The following ARHGAP24 variants were observed in gnomAD, a reference collection of about 807,000 sequenced individuals.
The protein encoded by ARHGAP24 is rho GTPase-activating protein 24.
ARHGAP24 carries 50 observed loss-of-function variants against 76.4 expected under a neutral mutation model. The ratio of observed to expected loss-of-function variants is 0.65; its 90% confidence interval spans 0.52 to 0.83. ARHGAP24 has a LOEUF of 0.83. ARHGAP24 is among the 40% of genes least tolerant of loss of function. The pLI, the probability that ARHGAP24 is intolerant of heterozygous loss-of-function variation, is 0.00. For missense variants in ARHGAP24, 930 were observed against 914.2 expected, an observed-to-expected ratio of 1.02 and a Z score of -0.22; for synonymous variants, 345 against 323.3, an observed-to-expected ratio of 1.07 and a Z score of -0.72.
At chr4:85,793,676 G>C (rs1030797004) in intron 3 of ARHGAP24, among the ~76,000 whole-genome samples, 20 of 152,104 alleles carry the variant, frequency 1.3e-4, no homozygotes, top group Non-Finnish European at 2.6e-4. Context: ...TGAGATTAGA[G>C]TATTTCCTGT....
intron 2 of ARHGAP24, among the ~76,000 whole-genome samples, chr4:85,705,287 G>A (rs1033351686): frequency 6.6e-6 from 1 of 151,976 alleles, no homozygotes; most frequent in Non-Finnish European, 1.5e-5. Flanking sequence ...TTACACATAT[G>A]ACAGATACTA....
intron 3 of ARHGAP24, among the ~76,000 whole-genome samples, chr4:85,913,036 A>C (rs1735173751): frequency 6.6e-6 from 1 of 152,116 alleles, no homozygotes; most frequent in Admixed American, 6.5e-5. Flanking sequence ...CTCCTACATT[A>C]TCAATTTTTC....
At chr4:85,662,635 G>T (rs954532974) in intron 2 of ARHGAP24, among the ~76,000 whole-genome samples, 66 of 151,884 alleles carry the variant, frequency 4.3e-4, no homozygotes, top group African/African-American at 1.6e-3. Context: ...TTCTTCTAGG[G>T]TTTTTATGGT....
intron 3 of ARHGAP24, among the ~76,000 whole-genome samples, chr4:85,726,193 C>T (rs150741938): frequency 1.6e-4 from 25 of 151,720 alleles, no homozygotes; most frequent in African/African-American, 5.6e-4. Context: ...CAATTTCCAT[C>T]GGTCTTTTCA....
chr4:85,801,725 G>A (rs547988997), intron 3 of ARHGAP24, among the ~76,000 whole-genome samples: 1 of 152,216 alleles, frequency 6.6e-6, no homozygotes, highest in African/African-American at 2.4e-5. Context: ...AACAAAACAC[G>A]GCTTGTGATC....
At chr4:85,831,540 G>T (rs1729993419) in intron 3 of ARHGAP24, among the ~76,000 whole-genome samples, 1 of 152,024 alleles carries the variant, frequency 6.6e-6, no homozygotes, top group Admixed American at 6.5e-5. Context: ...TTATACAATG[G>T]GCTTTCATTT....
chr4:85,978,598 G>A (rs1739468847), intron 8 of ARHGAP24, among the ~76,000 whole-genome samples: 1 of 152,100 alleles, frequency 6.6e-6, no homozygotes, highest in Admixed American at 6.6e-5. Context: ...GCAGACATTA[G>A]AAAACATGAA....
At chr4:85,601,219 C>A (rs1351556217) in intron 2 of ARHGAP24, among the ~76,000 whole-genome samples, 2 of 152,080 alleles carry the variant, frequency 1.3e-5, no homozygotes, top group Non-Finnish European at 2.9e-5. Flanking sequence ...CTGTTCTGTG[C>A]AAGGTTGTAA....
intron 2 of ARHGAP24, chr4:85,686,773 T>C (rs953534415): frequency 6.9e-6 from 1 of 144,792 alleles, no homozygotes; most frequent in Non-Finnish European, 1.6e-5. Context: ...TCAAAAGCCT[T>C]CATTAGAGGA....
At chr4:85,950,553 G>A (rs779805632) in intron 5 of ARHGAP24, among the ~76,000 whole-genome samples, 4 of 152,078 alleles carry the variant, frequency 2.6e-5, no homozygotes, top group Non-Finnish European at 5.9e-5. Flanking sequence ...ACTGTGACAG[G>A]AATGCAGTGA....
rs775171397 is a variant in ARHGAP24 at position 85,972,026 on chromosome 4, G to C, written c.600-10G>C. 3.7e-6 allele frequency: 6 copies of C among 1,613,882 alleles called. No homozygotes were observed. In the Admixed American group the frequency reaches 1.0e-4, roughly 27 times the overall value. On this transcript the variant is annotated splice_polypyrimidine_tract_variant and intron_variant, in intron 5 of 9. Transcript: ENST00000395184. Reference sequence around the variant, plus strand: ...CTCCAAAGAATATCTTCACACTTCTGTCTCCACAGCAACACAGATGTACAC... The same window carrying C: ...CTCCAAAGAATATCTTCACACTTCTCTCTCCACAGCAACACAGATGTACAC...
chr4:85,865,102 T>C (rs1281097751), intron 3 of ARHGAP24, among the ~76,000 whole-genome samples: 1 of 152,112 alleles, frequency 6.6e-6, no homozygotes, highest in Non-Finnish European at 1.5e-5. Flanking sequence ...AATGACTTGA[T>C]GGAGTTTGCT....
intron 5 of ARHGAP24, among the ~76,000 whole-genome samples, chr4:85,961,423 C>T (rs950266869): frequency 3.9e-5 from 6 of 152,170 alleles, no homozygotes; most frequent in South Asian, 2.1e-4. Context: ...GATTCAGCTG[C>T]GTAAAACTAG....
chr4:85,847,013 A>G (rs1225781849), intron 3 of ARHGAP24, among the ~76,000 whole-genome samples: 1 of 152,198 alleles, frequency 6.6e-6, no homozygotes, highest in African/African-American at 2.4e-5. Flanking sequence ...TTCTATAAAC[A>G]AAAGGGGACA....
intron 5 of ARHGAP24, among the ~76,000 whole-genome samples, chr4:85,966,225 T>C (rs909345743): frequency 6.6e-6 from 1 of 152,120 alleles, no homozygotes; most frequent in Non-Finnish European, 1.5e-5. Flanking sequence ...CATCTAACCC[T>C]AATTACCTCC....
intron 2 of ARHGAP24, among the ~76,000 whole-genome samples, chr4:85,651,826 T>A (rs1216088826): frequency 2.0e-5 from 3 of 152,106 alleles, no homozygotes; most frequent in Non-Finnish European, 4.4e-5. Flanking sequence ...GTCATTAAGA[T>A]TAATGAAAAA....
At chr4:85,946,864 G>C (rs2148828771) in intron 5 of ARHGAP24, among the ~76,000 whole-genome samples, 1 of 152,266 alleles carries the variant, frequency 6.6e-6, no homozygotes, top group South Asian at 2.1e-4. Flanking sequence ...GGACTGCTGG[G>C]TTGAATAGTG....
At chr4:85,923,806 G>T in intron 4 of ARHGAP24, 36 bp downstream of exon 4, 1 of 1,613,384 alleles carries the variant, frequency 6.2e-7, no homozygotes, top group South Asian at 1.1e-5. Context: ...AAACAGAAAG[G>T]TAGACCAAAC....
At chr4:85,561,891 G>A (rs1726615312) in intron 1 of ARHGAP24, among the ~76,000 whole-genome samples, 1 of 152,174 alleles carries the variant, frequency 6.6e-6, no homozygotes, top group South Asian at 2.1e-4. Context: ...CTCGTGTGCT[G>A]TGGAAAAAAT....
Sources: gnomAD v4.1 joint callset for allele counts (sites outside exome capture counted in the v4.1 genomes callset) on GRCh38, gnomAD v4.1.1 for gene constraint, MANE v1.5 for transcripts, NCBI Gene and HGNC (gene_info 2026-07-23, HGNC 2026-07-21) for gene names.